The following CELF2 variants were observed in gnomAD, a reference collection of about 807,000 sequenced individuals.
CELF2 encodes the protein CUGBP Elav-like family member 2, also known as CUG triplet repeat RNA-binding protein 2.
CELF2 carries 8 observed loss-of-function variants against 62.6 expected under a neutral mutation model. The ratio of observed to expected loss-of-function variants is 0.13; its 90% CI spans 0.07 to 0.23. CELF2 has a LOEUF of 0.23. Among genes scored for constraint, CELF2 ranks in the 10% least tolerant of loss-of-function variants. The pLI, the probability that CELF2 is intolerant of heterozygous loss-of-function variation, is 1.00. For synonymous variants in CELF2, 258 were observed against 250.0 expected (o/e 1.03, Z -0.30); for missense variants, 333 against 671.0 (o/e 0.50, Z 5.56).
At chr10:10,777,655 G>A in the CELF2 span, among the ~76,000 whole-genome samples, 2 of 152,212 alleles carry the variant, frequency 1.3e-5, no homozygotes, top group East Asian at 1.9e-4. Context: ...CCATGTTTCC[G>A]GTGCAGCCAG....
At chr10:10,602,583 T>C in the CELF2 span, among the ~76,000 whole-genome samples, 5 of 152,194 alleles carry the variant, frequency 3.3e-5, no homozygotes, top group Non-Finnish European at 5.9e-5. Context: ...GTGTCAACTG[T>C]GTACCAAACT....
intron 1 of CELF2, among the ~76,000 whole-genome samples, chr10:10,911,515 G>A (rs1449017637): frequency 6.6e-6 from 1 of 152,198 alleles, no homozygotes; most frequent in Non-Finnish European, 1.5e-5. Flanking sequence ...CCGACTGCAG[G>A]CCTGCCTCCT....
chr10:10,752,407 C>T, the CELF2 span, among the ~76,000 whole-genome samples: 2 of 152,122 alleles, frequency 1.3e-5, no homozygotes, highest in Non-Finnish European at 2.9e-5. Flanking sequence ...CAAGATACTC[C>T]AGGCCGGGCA....
chr10:10,697,461 A>G, the CELF2 span, among the ~76,000 whole-genome samples: 1 of 152,168 alleles, frequency 6.6e-6, no homozygotes, highest in African/African-American at 2.4e-5. Flanking sequence ...GGCATCAGTG[A>G]GGTTGATATC....
At chr10:10,720,597 A>G in the CELF2 span, among the ~76,000 whole-genome samples, 1 of 152,248 alleles carries the variant, frequency 6.6e-6, no homozygotes, top group Non-Finnish European at 1.5e-5. Context: ...TTGTATCATC[A>G]CAGCCTATAG....
intron 1 of CELF2, among the ~76,000 whole-genome samples, chr10:11,080,340 C>T (rs965364087): frequency 6.6e-6 from 1 of 152,076 alleles, no homozygotes; most frequent in Non-Finnish European, 1.5e-5. Context: ...CTTATAAGCA[C>T]CTAGTTCCTG....
intron 1 of CELF2, among the ~76,000 whole-genome samples, chr10:10,847,744 C>G (rs1448051123): frequency 1.3e-5 from 2 of 152,156 alleles, no homozygotes; most frequent in Non-Finnish European, 2.9e-5. Context: ...TCACCTGGGC[C>G]CTACCCCAGA....
intron 1 of CELF2, among the ~76,000 whole-genome samples, chr10:10,914,003 GA>G (rs1320876485): frequency 1.4e-5 from 2 of 143,246 alleles, no homozygotes; most frequent in African/African-American, 2.5e-5. Context: ...GAGGGGAGGG[GA>G]AAAATCTGCT....
chr10:11,020,431 TG>T (rs2058124500), intron 1 of CELF2, among the ~76,000 whole-genome samples: 2 of 152,228 alleles, frequency 1.3e-5, no homozygotes, highest in African/African-American at 4.8e-5. Context: ...TAGAGGTGTG[TG>T]GGGGGGAATA....
chr10:10,711,040 G>C, the CELF2 span, among the ~76,000 whole-genome samples: 3 of 152,090 alleles, frequency 2.0e-5, no homozygotes. Flanking sequence ...CCAGAGAATT[G>C]TTTGCGGGGC....
the CELF2 span, among the ~76,000 whole-genome samples, chr10:10,691,012 T>C: frequency 1.3e-5 from 2 of 152,268 alleles, no homozygotes; most frequent in Admixed American, 1.3e-4. Flanking sequence ...GGTGATTTTT[T>C]TTTATTATTA....
At position 11,134,202 on chromosome 10, in the gene CELF2, A is replaced by G. The variant is rs2060051975; in HGVS notation, c.75-31284A>G. 2.6e-5 allele frequency among the ~76,000 whole-genome samples: 4 copies of G among 152,342 alleles called. No individual in the cohort carries two copies. In the South Asian group the frequency reaches 8.3e-4, roughly 32 times the overall value. ...CAAAGCTAAGGGATTAGAGGAGATA[A>G]ATAACACAGTGGCAGCATCTGCCTG... On this transcript the variant is annotated intron_variant, in intron 1 of 12. Coordinates refer to ENST00000633077, the MANE Select transcript of CELF2 (RefSeq NM_001326342.2).
At chr10:10,800,439 C>T (rs2054547635) in intron 1 of CELF2, among the ~76,000 whole-genome samples, 1 of 152,106 alleles carries the variant, frequency 6.6e-6, no homozygotes, top group African/African-American at 2.4e-5. Context: ...GCAACCTCCA[C>T]CTCCCGGGTT....
chr10:10,842,436 T>C (rs147818793), intron 1 of CELF2, among the ~76,000 whole-genome samples: 2 of 152,088 alleles, frequency 1.3e-5, no homozygotes, highest in African/African-American at 4.8e-5. Context: ...TTTTAAAATA[T>C]ATGCTCTTTA....
chr10:11,218,467 C>T (rs1213387528), intron 3 of CELF2, among the ~76,000 whole-genome samples: 2 of 152,174 alleles, frequency 1.3e-5, no homozygotes, highest in African/African-American at 2.4e-5. Flanking sequence ...ACCATTGAAC[C>T]ACCACAGGCC....
rs149361768 is a variant in CELF2 at position 11,288,135 on chromosome 10, C to T, written c.842-283C>T. The stretch of plus-strand genomic sequence containing the variant: ...GCCTTGGGCTGAGAATACTGGTTAG[C>T]GAGGGAGAAGCGCAGGCTCTGCCAG... On this transcript the variant is annotated intron_variant, in intron 8 of 12. Transcript: ENST00000633077. Among the ~76,000 whole-genome samples the T allele has an allele frequency of 2.6e-3, 390 of 152,324 alleles. 2 individuals carry two copies. Among genetic ancestry groups the T allele is most frequent in the African/African-American group, 9.0e-3 (375 of 41,576 alleles).
At chr10:10,828,480 A>G (rs1170276243) in intron 1 of CELF2, among the ~76,000 whole-genome samples, 1 of 152,128 alleles carries the variant, frequency 6.6e-6, no homozygotes, top group Non-Finnish European at 1.5e-5. Context: ...ATAAAGACAG[A>G]AAGTCGAGTG....
In CELF2 at chr10:11,288,718, A is replaced by G. The variant is rs527746754; in HGVS notation, c.976+166A>G. ...GGTTATTTTATTTTTAAAAATGGTC[A>G]AAGTTCGAATTTGTCTTTTATTTTC... On this transcript the variant is annotated intron_variant, in intron 9 of 12. Coordinates refer to ENST00000633077, the MANE Select transcript of CELF2 (RefSeq NM_001326342.2). 1.5e-3 allele frequency among the ~76,000 whole-genome samples: 231 copies of G among 152,360 alleles called. 1 individual carries two copies. The highest frequency in any genetic ancestry group is 5.3e-3 in the African/African-American group (220 of 41,594).
the CELF2 span, among the ~76,000 whole-genome samples, chr10:10,463,977 C>T: frequency 6.6e-6 from 1 of 150,824 alleles, no homozygotes; most frequent in African/African-American, 2.4e-5. Context: ...AAAAAAACTC[C>T]TATGGATTTT....
Sources: gnomAD v4.1 joint callset for allele counts (sites outside exome capture counted in the v4.1 genomes callset) on GRCh38, gnomAD v4.1.1 for gene constraint, MANE v1.5 for transcripts, NCBI Gene and HGNC (gene_info 2026-07-23, HGNC 2026-07-21) for gene names.